Variants in RETREG1 observed in about 807,000 individuals in gnomAD.
RETREG1 encodes the protein reticulophagy regulator 1, also known as family with sequence similarity 134 member B.
In RETREG1, 44 loss-of-function variants were observed where a neutral mutation model predicts 54.8. The ratio of observed to expected loss-of-function variants is 0.80; its 90% confidence interval spans 0.63 to 1.03. The LOEUF (loss-of-function observed/expected upper bound fraction) is 1.03, where lower values mean the gene tolerates loss of function less well. Ranked by LOEUF, RETREG1 falls within the 50% of genes least tolerant of loss-of-function variation. The pLI is 0.00. For synonymous variants in RETREG1, 217 were observed against 238.5 expected (o/e 0.91, Z 0.83); for missense variants, 554 against 605.1 (o/e 0.92, Z 0.89).
chr5:16,562,005 T>C (rs952240629), intron 3 of RETREG1, among the ~76,000 whole-genome samples: 2 of 152,124 alleles, frequency 1.3e-5, no homozygotes, highest in African/African-American at 4.8e-5. Flanking sequence ...ACAAATGAGG[T>C]AACCCAGGCA....
intron 1 of RETREG1, among the ~76,000 whole-genome samples, chr5:16,609,956 G>A (rs1732397375): frequency 6.6e-6 from 1 of 152,176 alleles, no homozygotes; most frequent in East Asian, 1.9e-4. Context: ...CTAGAGAGCT[G>A]GAGAAAACCC....
intron 1 of RETREG1, among the ~76,000 whole-genome samples, chr5:16,600,874 A>G (rs1030630285): frequency 1.3e-4 from 20 of 152,316 alleles, no homozygotes; most frequent in African/African-American, 3.8e-4. Flanking sequence ...AAACAAACGC[A>G]TCTAAAAGGA....
At chr5:16,599,928 G>A (rs866268397) in intron 1 of RETREG1, among the ~76,000 whole-genome samples, 1 of 152,178 alleles carries the variant, frequency 6.6e-6, no homozygotes, top group Non-Finnish European at 1.5e-5. Flanking sequence ...AATTGCAAGG[G>A]TGCAAGGGTA....
chr5:16,488,997 C>T (rs373202279), intron 3 of RETREG1, among the ~76,000 whole-genome samples: 379 of 137,764 alleles, frequency 2.8e-3, no homozygotes, highest in Middle Eastern at 0.017. Context: ...GCAGGAGAAT[C>T]ACTTGAACCC....
rs1738655827 is a variant in RETREG1 at position 16,479,005 on chromosome 5, G to A, written c.671-18C>T. 6.2e-7 allele frequency: 1 copy of A among 1,610,390 alleles called. No individual in the cohort carries two copies. Among genetic ancestry groups the A allele is most frequent in the Non-Finnish European group, 8.5e-7 (1 of 1,177,870 alleles). On this transcript the variant is annotated intron_variant, in intron 5 of 8. Transcript: ENST00000306320. ...ACACAGTACTGAAAGAAGAAAGAGA[G>A]CAGAGGTAAAATGCCTTTCCTTTCA...
At chr5:16,531,349 G>A (rs1740909476) in intron 3 of RETREG1, among the ~76,000 whole-genome samples, 1 of 152,158 alleles carries the variant, frequency 6.6e-6, no homozygotes, top group Non-Finnish European at 1.5e-5. Context: ...CATCATAGAT[G>A]CTTATTAATG....
intron 3 of RETREG1, among the ~76,000 whole-genome samples, chr5:16,557,751 G>T (rs545747331): frequency 2.0e-5 from 3 of 152,164 alleles, no homozygotes; most frequent in African/African-American, 7.2e-5. Context: ...TTCAGCCAAA[G>T]ATTTACCCAA....
chr5:16,589,083 A>T (rs1343578991), intron 1 of RETREG1, among the ~76,000 whole-genome samples: 1 of 152,172 alleles, frequency 6.6e-6, no homozygotes, highest in Non-Finnish European at 1.5e-5. Context: ...TTCCTTTAGT[A>T]TCTAGAGCCC....
At chr5:16,563,530 G>T (rs1314506432) in intron 3 of RETREG1, among the ~76,000 whole-genome samples, 1 of 152,058 alleles carries the variant, frequency 6.6e-6, no homozygotes, top group Admixed American at 6.6e-5. Flanking sequence ...AAATTTCTGG[G>T]ATTACAAATG....
rs998085739 is a variant in RETREG1 at position 16,518,113 on chromosome 5, T to C, written c.459-34641A>G. Among the ~76,000 whole-genome samples the C allele has an allele frequency of 5.3e-4, 79 of 148,196 alleles. 1 individual carries two copies. Among genetic ancestry groups the C allele is most frequent in the Non-Finnish European group, 1.2e-4 (8 of 67,280 alleles). The stretch of plus-strand genomic sequence containing the variant: ...TGTATATTTATATATAATCAATGTA[T>C]TTACATATAATTGTATATATTTATA... On this transcript the variant is annotated intron_variant, in intron 3 of 8. Coordinates refer to ENST00000306320, the MANE Select transcript of RETREG1 (RefSeq NM_001034850.3).
rs142492518 is a variant in RETREG1 at position 16,563,946 on chromosome 5, A to C, written c.458+1817T>G. The stretch of plus-strand genomic sequence containing the variant: ...TTATGTCATCATATCCATTGACAAT[A>C]TATCTTAAATTTCTGTTTCCAATTA... On this transcript the variant is annotated intron_variant, in intron 3 of 8. Transcript: ENST00000306320. Among the ~76,000 whole-genome samples, 21 of 152,326 alleles carry C rather than the reference A, an allele frequency of 1.4e-4. No homozygotes were observed. The East Asian group carries it at 4.0e-3, about 29-fold the overall frequency.
intron 2 of RETREG1, among the ~76,000 whole-genome samples, chr5:16,569,916 G>A (rs1026028248): frequency 6.6e-6 from 1 of 152,216 alleles, no homozygotes; most frequent in Non-Finnish European, 1.5e-5. Flanking sequence ...GCAGTGATGC[G>A]GCTGCAAGCC....
At chr5:16,573,735 G>GGTTT (rs1742248118) in intron 1 of RETREG1, among the ~76,000 whole-genome samples, 1 of 122,104 alleles carries the variant, frequency 8.2e-6, no homozygotes, top group Non-Finnish European at 1.7e-5. Context: ...GGGTTTGTTT[G>GGTTT]TTTTTTGTTT....
chr5:16,522,377 A>G (rs781570782), intron 3 of RETREG1, among the ~76,000 whole-genome samples: 2 of 152,236 alleles, frequency 1.3e-5, no homozygotes, highest in African/African-American at 2.4e-5. Flanking sequence ...ATGTCCTCTC[A>G]GAAACATGGG....
chr5:16,590,852 ACAAAAAAC>A (rs1742747365), intron 1 of RETREG1, among the ~76,000 whole-genome samples: 1 of 151,274 alleles, frequency 6.6e-6, no homozygotes, highest in African/African-American at 2.4e-5. Context: ...ACATGCACAC[ACAAAAAAC>A]ACACACATGC....
At chr5:16,556,668 A>G (rs1252209503) in intron 3 of RETREG1, among the ~76,000 whole-genome samples, 2 of 152,152 alleles carry the variant, frequency 1.3e-5, no homozygotes, top group African/African-American at 4.8e-5. Context: ...CTGCTGCCAG[A>G]CCCACCTAAA....
At chr5:16,610,045 A>T (rs183002532) in intron 1 of RETREG1, among the ~76,000 whole-genome samples, 188 of 152,242 alleles carry the variant, frequency 1.2e-3, no homozygotes, top group African/African-American at 4.4e-3. Context: ...TCCAGGTGAC[A>T]CTGGTGATGT....
intron 3 of RETREG1, 29 bp from the exon 4 acceptor site, chr5:16,483,501 A>G (rs115867460): frequency 1.2e-6 from 2 of 1,610,484 alleles, no homozygotes; most frequent in Non-Finnish European, 1.7e-6. Flanking sequence ...AAAAAATACT[A>G]CTGAACTTTG....
chr5:16,610,840 C>G (rs1743321646), intron 1 of RETREG1, among the ~76,000 whole-genome samples: 1 of 152,146 alleles, frequency 6.6e-6, no homozygotes, highest in Non-Finnish European at 1.5e-5. Flanking sequence ...TTGTGGAAGT[C>G]AGTGTGGCGA....
Sources: gnomAD v4.1 joint callset for allele counts (sites outside exome capture counted in the v4.1 genomes callset) on GRCh38, gnomAD v4.1.1 for gene constraint, MANE v1.5 for transcripts, NCBI Gene and HGNC (gene_info 2026-07-23, HGNC 2026-07-21) for gene names.